CALR3: variants seen among roughly 807,000 people sequenced by gnomAD.
CALR3 encodes calreticulin 3, also known as calreticulin-3.
In CALR3, 39 loss-of-function variants were observed where a neutral mutation model predicts 48.7. The observed-to-expected ratio is 0.80, with a 90% CI of 0.62 to 1.05. The LOEUF (loss-of-function observed/expected upper bound fraction) is 1.05, where lower values mean the gene tolerates loss of function less well. CALR3 is among the 50% of genes least tolerant of loss of function. The pLI, the probability that CALR3 is intolerant of heterozygous loss-of-function variation, is 0.00. For missense variants in CALR3, 449 were observed against 474.7 expected (o/e 0.95, Z 0.50); for synonymous variants, 185 against 172.7 (o/e 1.07, Z -0.56).
rs1344171366 is a variant in CALR3 at position 16,496,122 on chromosome 19, C to T, written c.8G>A (p.Arg3Gln). The T allele has an allele frequency of 8.1e-6, 13 of 1,601,548 alleles. No individual in the cohort carries two copies. Among genetic ancestry groups the T allele is most frequent in the South Asian group, 6.7e-5 (6 of 89,140 alleles). MA[R>Q]ALVQLWAICM... Reference sequence around the variant, plus strand: ...TATGGCCCAGAGCTGGACCAAAGCCCGGGCCATGGGGGTGTGCACTGCGCT... The same window carrying T: ...TATGGCCCAGAGCTGGACCAAAGCCTGGGCCATGGGGGTGTGCACTGCGCT... The change falls in exon 1 of 9, where the codon CGG (arginine) becomes CAG (glutamine). Residue 3 changes from arginine to glutamine, a missense_variant. Coordinates refer to ENST00000269881, the MANE Select transcript of CALR3 (RefSeq NM_145046.5).
intron 7 of CALR3, 48 bp from the exon 8 acceptor site, chr19:16,480,754 ATTTG>A (rs1467689009): frequency 1.5e-6 from 2 of 1,295,734 alleles, no homozygotes; most frequent in Non-Finnish European, 2.2e-6. Context: ...ATTCTTTATT[ATTTG>A]TTTATTTTTC....
At chr19:16,492,300 T>C (rs1386637316) in intron 2 of CALR3, among the ~76,000 whole-genome samples, 4 of 151,722 alleles carry the variant, frequency 2.6e-5, no homozygotes, top group African/African-American at 9.7e-5. Flanking sequence ...CTACTAAAAA[T>C]ACAAAATTAG....
chr19:16,489,448 G>A (rs920232353), intron 3 of CALR3, among the ~76,000 whole-genome samples: 2 of 152,078 alleles, frequency 1.3e-5, no homozygotes, highest in African/African-American at 2.4e-5. Context: ...GAGAAACCCC[G>A]TCTCTACTAA....
intron 2 of CALR3, among the ~76,000 whole-genome samples, chr19:16,495,259 T>C (rs10409518): frequency 0.84 from 123,541 of 146,358 alleles, 52,294 homozygotes; most frequent in South Asian, 0.89. Flanking sequence ...AAGGAATCTT[T>C]GGCAATAAAG....
At chr19:16,481,031 G>A (rs186438142) in intron 7 of CALR3, among the ~76,000 whole-genome samples, 1 of 152,178 alleles carries the variant, frequency 6.6e-6, no homozygotes, top group Admixed American at 6.6e-5. Context: ...GTGCATGCCT[G>A]TAGTCCCAGC....
chr19:16,479,223 C>T lies in CALR3; in HGVS notation c.1063G>A (p.Ala355Thr), dbSNP rs2093376428. The T allele has an allele frequency of 6.2e-7, 1 of 1,613,994 alleles. No individual in the cohort carries two copies. The highest frequency in any genetic ancestry group is 1.3e-5 in the African/African-American group (1 of 74,914). ...AGCTCTTCCTCCTCTTCCTCGCGGG[C>T]CTTCTTCATTTCCTCCTTGGCCTGT... ...AIQAKEEMKK[A>T]REEEEEELLS... Residue 355 changes from alanine (A) to threonine (T), a missense_variant, in exon 9 of 9, where the codon GCC (alanine) becomes ACC (threonine). Ala to Thr is a moderately conservative substitution (Grantham distance 58, BLOSUM62 0). Transcript: ENST00000269881.
chr19:16,493,077 T>C (rs1397876611), intron 2 of CALR3, among the ~76,000 whole-genome samples: 1 of 152,132 alleles, frequency 6.6e-6, no homozygotes, highest in Non-Finnish European at 1.5e-5. Context: ...AGTTGTGTGA[T>C]CTGAGTCATG....
chr19:16,487,098 T>C (rs560319517), intron 3 of CALR3, among the ~76,000 whole-genome samples: 1 of 151,972 alleles, frequency 6.6e-6, no homozygotes, highest in African/African-American at 2.4e-5. Context: ...CTCAAACTCC[T>C]CGGCTCGGGG....
intron 7 of CALR3, among the ~76,000 whole-genome samples, chr19:16,481,962 A>G (rs988562859): frequency 1.5e-5 from 2 of 129,288 alleles, no homozygotes; most frequent in Non-Finnish European, 3.1e-5. Flanking sequence ...ACTGGAGTGC[A>G]GTGGCCCGAT....
intron 8 of CALR3, among the ~76,000 whole-genome samples, 192 bp from the exon 9 acceptor site, chr19:16,479,466 T>C (rs555768334): frequency 6.7e-6 from 1 of 149,036 alleles, no homozygotes; most frequent in African/African-American, 2.5e-5. Flanking sequence ...TGGGCGCCTG[T>C]AGTCCCAGCT....
chr19:16,493,663 C>T (rs2122148382), intron 2 of CALR3, among the ~76,000 whole-genome samples: 1 of 150,912 alleles, frequency 6.6e-6, no homozygotes, highest in South Asian at 2.1e-4. Flanking sequence ...GATTCTCCTG[C>T]CTCAATCTCT....
intron 5 of CALR3, 63 bp downstream of exon 5, chr19:16,483,867 G>T: frequency 6.5e-7 from 1 of 1,544,302 alleles, no homozygotes; most frequent in Non-Finnish European, 8.9e-7. Flanking sequence ...CAATTGTCCA[G>T]TAACTGGGTA....
intron 2 of CALR3, among the ~76,000 whole-genome samples, chr19:16,494,474 G>A (rs2093402769): frequency 6.6e-6 from 1 of 152,040 alleles, no homozygotes; most frequent in African/African-American, 2.4e-5. Context: ...TGATTCTTCT[G>A]CCTCAGCCTC....
intron 8 of CALR3, 120 bp from the exon 9 acceptor site, chr19:16,479,394 G>A (rs1490370661): frequency 8.8e-7 from 1 of 1,131,608 alleles, no homozygotes; most frequent in Non-Finnish European, 1.3e-6. Flanking sequence ...GACCATCCCG[G>A]CTAACACGGT....
At position 16,482,297 on chromosome 19, in the gene CALR3, G is replaced by C. The variant is rs533861195; in HGVS notation, c.918+153C>G. On this transcript the variant is annotated intron_variant, in intron 7 of 8. Transcript: ENST00000269881. ...CTTGGGAGGCTGAGGTGGGAGGATC[G>C]CTTGGGCCTAGTTTGAGGCTACAGT... is the stretch of plus-strand genomic sequence containing the variant. 1.1e-4 allele frequency among the ~76,000 whole-genome samples: 16 copies of C among 152,066 alleles called. No homozygotes were observed. In the South Asian group the frequency reaches 2.7e-3, roughly 26 times the overall value.
At chr19:16,485,358 GC>G in intron 3 of CALR3, 101 bp from the exon 4 acceptor site, 1 of 765,876 alleles carries the variant, frequency 1.3e-6, no homozygotes, top group Admixed American at 2.1e-5. Context: ...ACGGAGTCTT[GC>G]TGTCACCCAG....
In CALR3 at chr19:16,484,138, C is replaced by A. The variant is rs201047203; in HGVS notation, c.493-23G>T. The stretch of plus-strand genomic sequence containing the variant: ...AACCTGCATATTTTAGGGGGAAAAG[C>A]GTAACAATTAAATCCTCAATTTCTT... On this transcript the variant is annotated intron_variant, in intron 4 of 8. Transcript: ENST00000269881. 1.0e-4 allele frequency: 164 copies of A among 1,585,696 alleles called. 2 individuals are homozygous for A. In the South Asian group the frequency reaches 1.7e-3, roughly 17 times the overall value.
At chr19:16,491,289 A>AT (rs1297761913) in intron 2 of CALR3, among the ~76,000 whole-genome samples, 1 of 150,824 alleles carries the variant, frequency 6.6e-6, no homozygotes, top group Admixed American at 6.6e-5. Context: ...CACCCAGCTA[A>AT]TTTTTTGTAT....
At chr19:16,490,659 A>G (rs1487348680) in intron 2 of CALR3, 89 bp from the exon 3 acceptor site, 9 of 1,151,416 alleles carry the variant, frequency 7.8e-6, no homozygotes, top group Non-Finnish European at 2.6e-6. Flanking sequence ...CCTTACTCCC[A>G]AACATAAATG....
Sources: allele counts gnomAD v4.1 joint callset (sites outside exome capture counted in the v4.1 genomes callset), GRCh38; gene constraint gnomAD v4.1.1; transcripts MANE v1.5; gene names NCBI Gene and HGNC (gene_info 2026-07-23, HGNC 2026-07-21).